GASK1A: variants seen among roughly 807,000 people sequenced by gnomAD.
The protein encoded by GASK1A is Golgi-associated kinase 1A.
In GASK1A, 40 loss-of-function variants were observed where a neutral mutation model predicts 41.2. The observed-to-expected ratio is 0.97, with a 90% CI of 0.75 to 1.27. The LOEUF (loss-of-function observed/expected upper bound fraction) is 1.27, where lower values mean the gene tolerates loss of function less well. Among genes scored for constraint, GASK1A ranks in the 50% most tolerant of loss-of-function variants. GASK1A has a pLI of 0.00. For synonymous variants in GASK1A, 316 were observed against 307.1 expected, an observed-to-expected ratio of 1.03 and a Z score of -0.30; for missense variants, 678 against 745.1, an observed-to-expected ratio of 0.91 and a Z score of 1.05.
intron 2 of GASK1A, among the ~76,000 whole-genome samples, chr3:43,040,979 G>T (rs937881944): frequency 6.6e-6 from 1 of 150,566 alleles, no homozygotes; most frequent in Admixed American, 6.6e-5. Flanking sequence ...GCGGTGTTTG[G>T]TTTTTTGTTC....
intron 1 of GASK1A, among the ~76,000 whole-genome samples, chr3:43,030,215 C>T (rs2089567722): frequency 6.6e-6 from 1 of 152,222 alleles, no homozygotes; most frequent in Admixed American, 6.5e-5. Flanking sequence ...CCATGTTGGC[C>T]AGGTTCGTCT....
At chr3:43,038,767 A>G (rs1409332078) in intron 2 of GASK1A, among the ~76,000 whole-genome samples, 1 of 152,192 alleles carries the variant, frequency 6.6e-6, no homozygotes, top group African/African-American at 2.4e-5. Flanking sequence ...TATCATTTTT[A>G]TATACTTCTG....
chr3:43,040,286 A>G (rs374855448), intron 2 of GASK1A, among the ~76,000 whole-genome samples: 42 of 152,070 alleles, frequency 2.8e-4, no homozygotes, highest in African/African-American at 9.2e-4. Context: ...AATAGAGCCA[A>G]TTTCCATAAG....
intron 1 of GASK1A, among the ~76,000 whole-genome samples, chr3:43,014,395 A>G (rs2089479683): frequency 6.7e-6 from 1 of 150,282 alleles, no homozygotes; most frequent in Non-Finnish European, 1.5e-5. Context: ...AGGAAAGGCC[A>G]GTGTGAAGCC....
intron 1 of GASK1A, among the ~76,000 whole-genome samples, chr3:43,014,713 G>A (rs1321079366): frequency 1.3e-5 from 2 of 152,122 alleles, no homozygotes; most frequent in Non-Finnish European, 2.9e-5. Flanking sequence ...ATAGGAAGGC[G>A]TGGTATGAAG....
chr3:43,053,976 G>A (rs532151955), intron 3 of GASK1A: 9 of 387,316 alleles, frequency 2.3e-5, no homozygotes, highest in Admixed American at 2.2e-4. Context: ...CAACATCCTC[G>A]TTGTGCCAGT....
chr3:43,052,939 A>C (rs1202585345), intron 2 of GASK1A, among the ~76,000 whole-genome samples: 3 of 152,188 alleles, frequency 2.0e-5, no homozygotes, highest in African/African-American at 7.2e-5. Flanking sequence ...ATCCACTCTA[A>C]AATGCTGTGG....
Position 43,056,402 on chromosome 3 carries a change from G to A in GASK1A, c.*16G>A, listed in dbSNP as rs368491426. On this transcript the variant is annotated 3_prime_UTR_variant, in exon 5 of 5. Coordinates refer to ENST00000430121, the MANE Select transcript of GASK1A (RefSeq NM_001129908.3). Reference sequence around the variant, plus strand: ...GGACCCATAAGCCGCACACAGCCCTGAGTCAATGAGCATCCATCCTGATGG... The same window carrying A: ...GGACCCATAAGCCGCACACAGCCCTAAGTCAATGAGCATCCATCCTGATGG... 24 of 1,505,844 alleles carry A rather than the reference G, an allele frequency of 1.6e-5. No homozygotes were observed. In the African/African-American group the frequency reaches 2.2e-4, roughly 14 times the overall value. The allele number at this position is 1,505,844 out of a possible 1,614,324, so 93.3% of individuals were successfully genotyped here.
At chr3:43,047,216 C>T (rs895916157) in intron 2 of GASK1A, among the ~76,000 whole-genome samples, 3 of 152,206 alleles carry the variant, frequency 2.0e-5, no homozygotes, top group East Asian at 1.9e-4. Context: ...CAATGCTAGC[C>T]GGTGAGAGCA....
intron 1 of GASK1A, among the ~76,000 whole-genome samples, chr3:42,998,537 C>T (rs558403801): frequency 6.6e-6 from 1 of 152,312 alleles, no homozygotes; most frequent in Non-Finnish European, 1.5e-5. Flanking sequence ...ATTAAACACT[C>T]ATATCAACCC....
chr3:43,015,256 A>G (rs532509600), intron 1 of GASK1A, among the ~76,000 whole-genome samples: 2 of 148,586 alleles, frequency 1.3e-5, no homozygotes, highest in Non-Finnish European at 3.0e-5. Flanking sequence ...AGCAGTGCGA[A>G]TTCTCAGGAA....
chr3:43,050,912 G>A lies in GASK1A; in HGVS notation c.1291-2609G>A, dbSNP rs115142152. On this transcript the variant is annotated intron_variant, in intron 2 of 4. Coordinates refer to ENST00000430121, the MANE Select transcript of GASK1A (RefSeq NM_001129908.3). ...CATGTAGTCTTTATGGTGAGGTATC[G>A]TTCTCATACTTTACTTCTCTAGGCC... 5.2e-3 allele frequency among the ~76,000 whole-genome samples: 787 copies of A among 152,038 alleles called. 7 individuals are homozygous for A. Among genetic ancestry groups the A allele is most frequent in the African/African-American group, 0.016 (683 of 41,466 alleles).
intron 1 of GASK1A, among the ~76,000 whole-genome samples, chr3:43,023,968 T>C (rs957338879): frequency 1.3e-5 from 2 of 152,158 alleles, no homozygotes; most frequent in Non-Finnish European, 2.9e-5. Context: ...GGACCGGCAG[T>C]ACACAGGAGG....
chr3:43,047,088 AG>A (rs1318219282), intron 2 of GASK1A, among the ~76,000 whole-genome samples: 2 of 152,256 alleles, frequency 1.3e-5, no homozygotes, highest in African/African-American at 4.8e-5. Flanking sequence ...GCCCCCACAC[AG>A]AGTTCCCAGT....
At chr3:43,037,125 C>A in intron 2 of GASK1A, 2 of 821,250 alleles carry the variant, frequency 2.4e-6, no homozygotes, top group Non-Finnish European at 3.9e-6. Context: ...TACCTCAAAC[C>A]AGGCAGCGAT....
At chr3:43,054,364 C>G (rs2089706371) in intron 3 of GASK1A, 1 of 153,234 alleles carries the variant, frequency 6.5e-6, no homozygotes, top group Non-Finnish European at 1.5e-5. Flanking sequence ...TCCCCTACCC[C>G]CAGAGCCATC....
chr3:43,010,436 A>G (rs1360199558), intron 1 of GASK1A, among the ~76,000 whole-genome samples: 1 of 152,206 alleles, frequency 6.6e-6, no homozygotes, highest in Non-Finnish European at 1.5e-5. Context: ...ATATTCTCCC[A>G]TGAAATACAG....
chr3:42,980,013 C>A (rs1407697238), intron 1 of GASK1A, among the ~76,000 whole-genome samples: 1 of 152,160 alleles, frequency 6.6e-6, no homozygotes, highest in African/African-American at 2.4e-5. Flanking sequence ...CTTTTGAAGT[C>A]ATTTTAATAC....
intron 1 of GASK1A, among the ~76,000 whole-genome samples, chr3:43,027,607 CT>C (rs1334987479): frequency 6.6e-6 from 1 of 151,856 alleles, no homozygotes; most frequent in African/African-American, 2.4e-5. Flanking sequence ...TAATATTGTT[CT>C]TTTTAGGGGA....
Sources: allele counts gnomAD v4.1 joint callset (sites outside exome capture counted in the v4.1 genomes callset), GRCh38; gene constraint gnomAD v4.1.1; transcripts MANE v1.5; gene names NCBI Gene and HGNC (gene_info 2026-07-23, HGNC 2026-07-21).